The following CTNNA2 variants were observed in gnomAD, a reference collection of about 807,000 sequenced individuals.
CTNNA2 encodes catenin alpha-2.
A neutral mutation model predicts 101.0 loss-of-function variants in CTNNA2; 42 were observed. The observed-to-expected ratio is 0.42, with a 90% CI of 0.32 to 0.54. CTNNA2 has a LOEUF of 0.54. Among genes scored for constraint, CTNNA2 ranks in the 20% least tolerant of loss-of-function variants. The pLI is 0.14. For missense variants in CTNNA2, 871 were observed against 1,223.1 expected, an observed-to-expected ratio of 0.71 and a Z score of 4.29; for synonymous variants, 450 against 456.4, an observed-to-expected ratio of 0.99 and a Z score of 0.18.
chr2:79,363,624 T>G (rs928744284), intron 3 of CTNNA2, among the ~76,000 whole-genome samples: 5 of 152,082 alleles, frequency 3.3e-5, no homozygotes, highest in East Asian at 3.9e-4. Context: ...TTGTATATAA[T>G]CAGCTATCAC....
chr2:79,781,571 T>C (rs961296273), intron 3 of CTNNA2, among the ~76,000 whole-genome samples: 1 of 152,192 alleles, frequency 6.6e-6, no homozygotes, highest in African/African-American at 2.4e-5. Flanking sequence ...ATGTTGCTAA[T>C]TAATGGTTCC....
At chr2:79,210,168 G>A (rs995217945) in intron 2 of CTNNA2, among the ~76,000 whole-genome samples, 3 of 151,004 alleles carry the variant, frequency 2.0e-5, no homozygotes, top group Admixed American at 6.6e-5. Context: ...AGGAACCCAC[G>A]TGGAGATTTG....
intron 7 of CTNNA2, among the ~76,000 whole-genome samples, chr2:80,098,400 G>T (rs1032285904): frequency 6.6e-6 from 1 of 152,210 alleles, no homozygotes; most frequent in Non-Finnish European, 1.5e-5. Context: ...GCCATGTGAG[G>T]TGTCAGTCCG....
At chr2:80,433,328 C>G (rs2149429673) in intron 9 of CTNNA2, among the ~76,000 whole-genome samples, 3 of 152,128 alleles carry the variant, frequency 2.0e-5, no homozygotes, top group Middle Eastern at 6.8e-3. Flanking sequence ...GGTGGGAACC[C>G]CGCCATCTCA....
At chr2:80,142,888 T>C (rs1251254676) in intron 7 of CTNNA2, among the ~76,000 whole-genome samples, 1 of 148,968 alleles carries the variant, frequency 6.7e-6, no homozygotes, top group Non-Finnish European at 1.5e-5. Flanking sequence ...ATTCCTCAGG[T>C]GCCCCATCAA....
At chr2:79,372,085 A>T (rs1201569733) in intron 3 of CTNNA2, among the ~76,000 whole-genome samples, 3 of 152,134 alleles carry the variant, frequency 2.0e-5, no homozygotes, top group Non-Finnish European at 4.4e-5. Context: ...TGCCTGGACA[A>T]TTACATCAGG....
chr2:79,960,038 G>T (rs1434120), intron 7 of CTNNA2, among the ~76,000 whole-genome samples: 45,138 of 152,068 alleles, frequency 0.3, 7,303 homozygotes, highest in Admixed American at 0.37. Flanking sequence ...GGACAAAGAG[G>T]TTTATGAGAG....
chr2:79,457,380 G>A (rs1466486683), intron 4 of CTNNA2, among the ~76,000 whole-genome samples: 1 of 151,946 alleles, frequency 6.6e-6, no homozygotes, highest in Non-Finnish European at 1.5e-5. Flanking sequence ...ACATTTCTGA[G>A]GCCTACAGTT....
In CTNNA2 at chr2:80,300,910, T is replaced by C. The variant is rs1487948393; in HGVS notation, c.1057-92301T>C. Among the ~76,000 whole-genome samples, 2 of 149,548 alleles carry C rather than the reference T, an allele frequency of 1.3e-5. 1 individual carries two copies. The highest frequency in any genetic ancestry group is 3.0e-5 in the Non-Finnish European group (2 of 67,686). Reference sequence around the variant, plus strand: ...AATCTCAATGATGGACCTGGAAACCTATGAGGGGTGAGAAGGAGCAATCAT... The same window carrying C: ...AATCTCAATGATGGACCTGGAAACCCATGAGGGGTGAGAAGGAGCAATCAT... On this transcript the variant is annotated intron_variant, in intron 7 of 18. Coordinates refer to ENST00000402739, the MANE Select transcript of CTNNA2 (RefSeq NM_001282597.3).
chr2:79,465,303 A>T (rs568701136), intron 4 of CTNNA2, among the ~76,000 whole-genome samples: 2 of 152,146 alleles, frequency 1.3e-5, no homozygotes, highest in East Asian at 3.9e-4. Context: ...TAGATGTGTC[A>T]TATTATTTTT....
chr2:79,824,096 C>A (rs1356870555), intron 3 of CTNNA2, among the ~76,000 whole-genome samples: 1 of 152,188 alleles, frequency 6.6e-6, no homozygotes, highest in Non-Finnish European at 1.5e-5. Flanking sequence ...ACAGCCCAGA[C>A]TTTATCTTTT....
intron 7 of CTNNA2, among the ~76,000 whole-genome samples, chr2:79,929,679 A>C (rs1383600352): frequency 6.6e-6 from 1 of 152,166 alleles, no homozygotes; most frequent in East Asian, 1.9e-4. Flanking sequence ...TCATCGAGGA[A>C]ATTCTTCATT....
Position 80,419,569 on chromosome 2 carries a change from G to A in CTNNA2, c.1258G>A (p.Val420Ile). The change falls in exon 9 of 19, where the codon GTT (valine) becomes ATT (isoleucine). Residue 420 changes from valine to isoleucine, a missense_variant. By Grantham distance (29) the Val-to-Ile change is conservative (BLOSUM62 3). This residue lies in a region of CTNNA2 where 647 missense variants were observed against 831.5 expected (regional missense o/e 0.78). Transcript: ENST00000402739. ...NEKEVKEYAQ[V>I]FREHANKLVE... ...AAAGGAAGTGAAAGAATATGCCCAA[G>A]TTTTCCGTGAGCATGCCAACAAACT... The A allele has an allele frequency of 6.2e-7, 1 of 1,613,814 alleles. No homozygotes were observed. The highest frequency in any genetic ancestry group is 8.5e-7 in the Non-Finnish European group (1 of 1,179,776).
At chr2:79,449,110 C>T (rs1397142006) in intron 4 of CTNNA2, among the ~76,000 whole-genome samples, 2 of 151,894 alleles carry the variant, frequency 1.3e-5, no homozygotes, top group Non-Finnish European at 2.9e-5. Context: ...TCTGTCCCCA[C>T]TCCCCCCAAA....
intron 2 of CTNNA2, among the ~76,000 whole-genome samples, chr2:79,654,769 TGTTA>T (rs1426726049): frequency 1.3e-5 from 2 of 152,190 alleles, no homozygotes; most frequent in Non-Finnish European, 2.9e-5. Flanking sequence ...TCATGACTCT[TGTTA>T]GTTCTATAAA....
chr2:80,630,630 C>T lies in CTNNA2; in HGVS notation c.2574+11402C>T, dbSNP rs577986222. The stretch of plus-strand genomic sequence containing the variant: ...CCAGCCTGGCAACGGAGCAAGACTC[C>T]GTCTCAAAAATAAATAAATAAAAAT... On this transcript the variant is annotated intron_variant, in intron 18 of 18. Transcript: ENST00000402739. Among the ~76,000 whole-genome samples, 221 of 151,584 alleles carry T rather than the reference C, an allele frequency of 1.5e-3. 1 individual carries two copies. The highest frequency in any genetic ancestry group is 5.0e-3 in the African/African-American group (207 of 41,298).
chr2:79,506,312 C>T (rs978717586), intron 5 of CTNNA2, among the ~76,000 whole-genome samples: 1 of 146,272 alleles, frequency 6.8e-6, no homozygotes, highest in African/African-American at 2.5e-5. Context: ...GCATGTGTTA[C>T]AAGTTAAAAA....
At chr2:79,212,790 G>T (rs1447770472) in intron 2 of CTNNA2, among the ~76,000 whole-genome samples, 1 of 152,166 alleles carries the variant, frequency 6.6e-6, no homozygotes, top group Admixed American at 6.5e-5. Flanking sequence ...CTGACTCGGG[G>T]CATGTGAGTA....
intron 8 of CTNNA2, among the ~76,000 whole-genome samples, chr2:80,411,905 A>G (rs1200416916): frequency 1.3e-5 from 2 of 152,268 alleles, no homozygotes; most frequent in South Asian, 4.1e-4. Flanking sequence ...CTATTATGAA[A>G]TATTAATATT....
Sources: gnomAD v4.1 joint callset for allele counts (sites outside exome capture counted in the v4.1 genomes callset) on GRCh38, gnomAD v4.1.1 for gene constraint, gnomAD v4.1.1 regional missense constraint, MANE v1.5 for transcripts, NCBI Gene and HGNC (gene_info 2026-07-23, HGNC 2026-07-21) for gene names.